SNX6: variants seen among roughly 807,000 people sequenced by gnomAD.
SNX6 encodes the protein sorting nexin-6.
In SNX6, 34 loss-of-function variants were observed where a neutral mutation model predicts 63.0. That is an observed-to-expected ratio of 0.54 (90% CI 0.41 to 0.72). The LOEUF (loss-of-function observed/expected upper bound fraction) is 0.72. SNX6 is among the 30% of genes least tolerant of loss of function. The probability of loss-of-function intolerance (pLI) is 0.00; values close to 1 mark genes in which losing one functional copy is unlikely to be tolerated. For synonymous variants in SNX6, 170 were observed against 164.2 expected (o/e 1.04, Z -0.27); for missense variants, 398 against 471.4 (o/e 0.84, Z 1.44).
At chr14:34,595,160 C>T (rs1281356660) in intron 7 of SNX6, among the ~76,000 whole-genome samples, 1 of 151,624 alleles carries the variant, frequency 6.6e-6, no homozygotes, top group South Asian at 2.1e-4. Flanking sequence ...GTAACAGTTC[C>T]CTCTCTCTCT....
At chr14:34,614,242 C>T (rs940372728) in intron 2 of SNX6, among the ~76,000 whole-genome samples, 2 of 151,944 alleles carry the variant, frequency 1.3e-5, no homozygotes, top group Non-Finnish European at 2.9e-5. Flanking sequence ...ATCTAGGCAA[C>T]ATGGCAAAAC....
chr14:34,615,481 C>G (rs1427366711), intron 2 of SNX6, among the ~76,000 whole-genome samples: 2 of 152,204 alleles, frequency 1.3e-5, no homozygotes, highest in Non-Finnish European at 1.5e-5. Context: ...CTCGGCCTCC[C>G]AAAGTGCTGG....
intron 2 of SNX6, among the ~76,000 whole-genome samples, chr14:34,622,542 C>A (rs1047762880): frequency 6.8e-6 from 1 of 147,868 alleles, no homozygotes; most frequent in Non-Finnish European, 1.5e-5. Flanking sequence ...GAGATCGTGC[C>A]ACTGCACTCC....
chr14:34,592,761 C>T (rs1882448609), intron 8 of SNX6, among the ~76,000 whole-genome samples: 1 of 152,178 alleles, frequency 6.6e-6, no homozygotes, highest in African/African-American at 2.4e-5. Flanking sequence ...TGGTGCAATA[C>T]AAACAGGATC....
At chr14:34,604,837 T>A (rs1882953744) in intron 5 of SNX6, among the ~76,000 whole-genome samples, 1 of 141,434 alleles carries the variant, frequency 7.1e-6, no homozygotes, top group Non-Finnish European at 1.5e-5. Context: ...GCTCAACCAG[T>A]AAGTATAATG....
intron 9 of SNX6, among the ~76,000 whole-genome samples, chr14:34,581,920 C>T (rs1286313446): frequency 6.6e-6 from 1 of 152,134 alleles, no homozygotes; most frequent in Admixed American, 6.6e-5. Context: ...CCTCTGCCTC[C>T]CGAGTTCAAG....
intron 2 of SNX6, among the ~76,000 whole-genome samples, chr14:34,626,584 G>A (rs1883834353): frequency 6.7e-6 from 1 of 148,434 alleles, no homozygotes; most frequent in Non-Finnish European, 1.5e-5. Flanking sequence ...GAATGGCATA[G>A]CATGAACCCA....
intron 9 of SNX6, among the ~76,000 whole-genome samples, chr14:34,585,902 TTTTA>T (rs896394553): frequency 3.3e-5 from 5 of 150,472 alleles, no homozygotes; most frequent in African/African-American, 4.9e-5. Flanking sequence ...ATATTTCATG[TTTTA>T]TTTATTTATT....
At chr14:34,609,769 T>A in intron 2 of SNX6, 27 bp from the exon 3 acceptor site, 1 of 1,407,766 alleles carries the variant, frequency 7.1e-7, no homozygotes, top group Non-Finnish European at 9.9e-7. Flanking sequence ...AGTATCTTCA[T>A]GAAAATCATG....
chr14:34,624,950 C>G (rs1157352503), intron 2 of SNX6, among the ~76,000 whole-genome samples: 1 of 152,136 alleles, frequency 6.6e-6, no homozygotes, highest in African/African-American at 2.4e-5. Flanking sequence ...GAGTCTCGCA[C>G]TGTTGCCCAG....
chr14:34,609,099 T>TA (rs1406585141), intron 3 of SNX6, among the ~76,000 whole-genome samples: 2 of 152,026 alleles, frequency 1.3e-5, no homozygotes, highest in Admixed American at 6.6e-5. Flanking sequence ...AAATTGAAAG[T>TA]AACAAGAATG....
Position 34,605,640 on chromosome 14 carries a change from T to C in SNX6, c.348A>G (p.Ser116=). 1 of 1,609,496 alleles carries C rather than the reference T, an allele frequency of 6.2e-7. No homozygotes were observed. Among genetic ancestry groups the C allele is most frequent in the South Asian group, 1.1e-5 (1 of 89,996 alleles). The change falls in exon 5 of 14, where the codon TCA becomes TCG. Residue 116 remains serine (S), a synonymous_variant. Coordinates refer to ENST00000362031, the MANE Select transcript of SNX6 (RefSeq NM_152233.4). ...TCTTTGTGAATTCTTCCTTCGTCAT[T>C]GACCCTTCTCCTTCACCAAGCTTCT... ...KLQKLGEGEG[S]MTKEEFTKMK... is the part of the protein sequence containing the mutation.
At chr14:34,619,377 G>C (rs547497426) in intron 2 of SNX6, among the ~76,000 whole-genome samples, 2 of 151,414 alleles carry the variant, frequency 1.3e-5, no homozygotes, top group African/African-American at 4.9e-5. Flanking sequence ...AGCTGATATC[G>C]CACCACTGCA....
At chr14:34,573,157 T>C (rs769862905) in intron 11 of SNX6, among the ~76,000 whole-genome samples, 1 of 152,108 alleles carries the variant, frequency 6.6e-6, no homozygotes, top group Non-Finnish European at 1.5e-5. Flanking sequence ...TCAAAATATT[T>C]TGTAGACATA....
At chr14:34,598,576 T>C (rs1882689768) in intron 6 of SNX6, among the ~76,000 whole-genome samples, 1 of 152,182 alleles carries the variant, frequency 6.6e-6, no homozygotes, top group Non-Finnish European at 1.5e-5. Context: ...AGAGATGGGA[T>C]TTCACTGTGT....
intron 5 of SNX6, among the ~76,000 whole-genome samples, chr14:34,605,156 G>A (rs1882965511): frequency 6.6e-6 from 1 of 151,810 alleles, no homozygotes. Context: ...ATTCTCTTTT[G>A]AGAAGTATGG....
chr14:34,598,083 T>C (rs2138331782), intron 6 of SNX6, among the ~76,000 whole-genome samples: 1 of 152,316 alleles, frequency 6.6e-6, no homozygotes, highest in East Asian at 1.9e-4. Context: ...ATATATATCC[T>C]ATACATTTGG....
At chr14:34,583,386 A>G (rs537997226) in intron 9 of SNX6, among the ~76,000 whole-genome samples, 41 of 152,274 alleles carry the variant, frequency 2.7e-4, no homozygotes, top group African/African-American at 8.7e-4. Context: ...TAAACTATTT[A>G]GTTAAAAGTG....
At chr14:34,565,144 C>T (rs1279486783) in intron 13 of SNX6, among the ~76,000 whole-genome samples, 1 of 147,750 alleles carries the variant, frequency 6.8e-6, no homozygotes, top group Non-Finnish European at 1.5e-5. Context: ...GTGGCATGAT[C>T]TCAGCTCGCT....
Sources: allele counts gnomAD v4.1 joint callset (sites outside exome capture counted in the v4.1 genomes callset), GRCh38; gene constraint gnomAD v4.1.1; transcripts MANE v1.5; gene names NCBI Gene and HGNC (gene_info 2026-07-23, HGNC 2026-07-21).